RERE: variants seen among roughly 807,000 people sequenced by gnomAD.
RERE encodes arginine-glutamic acid dipeptide repeats protein.
A neutral mutation model predicts 146.1 loss-of-function variants in RERE; 40 were observed. That is an observed-to-expected ratio of 0.27 (90% confidence interval 0.21 to 0.36). RERE has a LOEUF of 0.36. RERE is among the 10% of genes least tolerant of loss of function. The pLI is 1.00. For missense variants in RERE, 1,933 were observed against 2,138.7 expected, an observed-to-expected ratio of 0.90 and a Z score of 1.90; for synonymous variants, 1,003 against 866.0, an observed-to-expected ratio of 1.16 and a Z score of -2.78.
At chr1:8,519,920 C>T (rs894164666) in intron 7 of RERE, 1 of 152,086 alleles carries the variant, frequency 6.6e-6, no homozygotes, top group African/African-American at 2.4e-5. Flanking sequence ...ACTGCTTAGC[C>T]ACAGACAGCA....
At chr1:8,367,887 C>T (rs764111182) in intron 12 of RERE, among the ~76,000 whole-genome samples, 13 of 152,184 alleles carry the variant, frequency 8.5e-5, no homozygotes, top group Non-Finnish European at 1.8e-4. Flanking sequence ...GTTGGCTAGA[C>T]GGAAAAGATT....
chr1:8,625,541 A>C (rs1183684245), intron 2 of RERE, among the ~76,000 whole-genome samples: 1 of 152,152 alleles, frequency 6.6e-6, no homozygotes, highest in Non-Finnish European at 1.5e-5. Flanking sequence ...CTTGGGCTGA[A>C]GCTATCCCCC....
intron 1 of RERE, among the ~76,000 whole-genome samples, chr1:8,671,844 A>G (rs986876302): frequency 2.0e-5 from 3 of 152,246 alleles, no homozygotes; most frequent in African/African-American, 7.2e-5. Flanking sequence ...CAACATTTAT[A>G]TGTCTCAGGA....
chr1:8,702,344 A>G (rs1639471182), intron 1 of RERE, among the ~76,000 whole-genome samples: 1 of 152,246 alleles, frequency 6.6e-6, no homozygotes, highest in Non-Finnish European at 1.5e-5. Flanking sequence ...AAAACAAAGT[A>G]ACCTATTACA....
intron 1 of RERE, among the ~76,000 whole-genome samples, chr1:8,698,360 G>C (rs1057229536): frequency 5.9e-5 from 9 of 152,140 alleles, no homozygotes; most frequent in Non-Finnish European, 1.2e-4. Context: ...ATATACCACT[G>C]TTTCTACCCA....
chr1:8,672,452 G>A (rs1473673271), intron 1 of RERE, among the ~76,000 whole-genome samples: 4 of 152,196 alleles, frequency 2.6e-5, no homozygotes, highest in African/African-American at 9.7e-5. Context: ...TGGGCTACAG[G>A]TGTGAGCCAC....
intron 6 of RERE, among the ~76,000 whole-genome samples, chr1:8,546,510 C>T (rs763059655): frequency 1.3e-5 from 2 of 151,760 alleles, no homozygotes; most frequent in Admixed American, 1.3e-4. Flanking sequence ...TGGCAAGATA[C>T]ACAAATCAAT....
chr1:8,748,114 T>C (rs934892738), intron 1 of RERE, among the ~76,000 whole-genome samples: 5 of 152,170 alleles, frequency 3.3e-5, no homozygotes, highest in African/African-American at 7.2e-5. Context: ...TGTATACAAC[T>C]ACACATAATT....
intron 1 of RERE, chr1:8,786,611 G>C: frequency 2.6e-6 from 2 of 767,252 alleles, no homozygotes. Flanking sequence ...CGAAGAAGCT[G>C]CAACACCTTT....
intron 12 of RERE, among the ~76,000 whole-genome samples, chr1:8,406,537 A>C (rs1478952250): frequency 6.6e-6 from 1 of 152,204 alleles, no homozygotes; most frequent in Non-Finnish European, 1.5e-5. Flanking sequence ...TAATGTGATA[A>C]GATGTTAATA....
chr1:8,648,568 G>A lies in RERE; in HGVS notation c.325+7405C>T, dbSNP rs144632781. Reference sequence around the variant, plus strand: ...ACTTTAAATAGGTTTTAGAAATAACGTATATTCCATTTTTATTCAAACTAG... The same window carrying A: ...ACTTTAAATAGGTTTTAGAAATAACATATATTCCATTTTTATTCAAACTAG... On this transcript the variant is annotated intron_variant, in intron 2 of 22. Transcript: ENST00000400908. Among the ~76,000 whole-genome samples the A allele has an allele frequency of 4.4e-3, 662 of 152,148 alleles. 5 individuals are homozygous for A. The highest frequency in any genetic ancestry group is 0.015 in the African/African-American group (631 of 41,526).
intron 7 of RERE, among the ~76,000 whole-genome samples, chr1:8,522,957 G>C (rs1441901607): frequency 6.6e-6 from 1 of 151,918 alleles, no homozygotes; most frequent in Non-Finnish European, 1.5e-5. Flanking sequence ...AGCATGGATT[G>C]CTTGAGGCCA....
chr1:8,807,566 ATCTC>A (rs908640560), intron 1 of RERE, among the ~76,000 whole-genome samples: 3 of 152,130 alleles, frequency 2.0e-5, no homozygotes, highest in African/African-American at 7.2e-5. Flanking sequence ...TTCTTCTTGA[ATCTC>A]TCTAAGAGGA....
chr1:8,576,157 T>C (rs774872345), intron 4 of RERE, among the ~76,000 whole-genome samples: 3 of 152,044 alleles, frequency 2.0e-5, no homozygotes, highest in Non-Finnish European at 4.4e-5. Context: ...CACACATCCA[T>C]TATGTATCAG....
At chr1:8,429,875 C>T (rs1644071898) in intron 11 of RERE, 1 of 152,444 alleles carries the variant, frequency 6.6e-6, no homozygotes, top group Non-Finnish European at 1.5e-5. Context: ...ACAGCTCCCC[C>T]GAGGAGACAC....
intron 11 of RERE, among the ~76,000 whole-genome samples, chr1:8,431,325 C>T (rs1168306320): frequency 6.6e-6 from 1 of 152,178 alleles, no homozygotes; most frequent in Non-Finnish European, 1.5e-5. Context: ...CTATTGTGAA[C>T]TGCGCATGTG....
chr1:8,478,858 G>C (rs1042892783), intron 10 of RERE, among the ~76,000 whole-genome samples: 7 of 152,156 alleles, frequency 4.6e-5, no homozygotes, highest in South Asian at 2.1e-4. Flanking sequence ...CCAGAGTTTT[G>C]AGGGGCTAGG....
intron 4 of RERE, among the ~76,000 whole-genome samples, chr1:8,564,824 A>G (rs990386331): frequency 1.5e-3 from 74 of 48,846 alleles, no homozygotes; most frequent in East Asian, 0.01. Context: ...ATGTGTGTGT[A>G]TATGTGTATG....
At chr1:8,660,706 T>C (rs901274820) in intron 1 of RERE, among the ~76,000 whole-genome samples, 2 of 152,202 alleles carry the variant, frequency 1.3e-5, no homozygotes, top group Non-Finnish European at 2.9e-5. Context: ...CAGACAGATT[T>C]AAGAAACACA....
Sources: gnomAD v4.1 joint callset for allele counts (sites outside exome capture counted in the v4.1 genomes callset) on GRCh38, gnomAD v4.1.1 for gene constraint, MANE v1.5 for transcripts, NCBI Gene and HGNC (gene_info 2026-07-23, HGNC 2026-07-21) for gene names.